Variants in STXBP5L observed in about 807,000 individuals in gnomAD.
The protein encoded by STXBP5L is syntaxin-binding protein 5-like.
Under a neutral mutation model 144.5 loss-of-function variants are expected in STXBP5L, and 65 were observed. That is an observed-to-expected ratio of 0.45 (90% CI 0.37 to 0.55). The LOEUF is 0.55. Among genes scored for constraint, STXBP5L ranks in the 20% least tolerant of loss-of-function variants. The pLI is 0.00. For missense variants in STXBP5L, 1,298 were observed against 1,405.5 expected (o/e 0.92, Z 1.22); for synonymous variants, 505 against 469.6 (o/e 1.08, Z -0.97).
At chr3:121,116,118 C>A (rs2044220653) in intron 6 of STXBP5L, among the ~76,000 whole-genome samples, 1 of 152,114 alleles carries the variant, frequency 6.6e-6, no homozygotes, top group Non-Finnish European at 1.5e-5. Context: ...GTAAGCAATT[C>A]TTCTAGTAAA....
intron 1 of STXBP5L, among the ~76,000 whole-genome samples, chr3:120,908,823 T>G (rs1489344125): frequency 3.8e-5 from 2 of 52,008 alleles, no homozygotes; most frequent in African/African-American, 1.6e-4. Flanking sequence ...GAGCAGGAGA[T>G]GGGGAGAGGG....
At chr3:121,045,301 A>G (rs891639751) in intron 4 of STXBP5L, 134 bp from the exon 5 acceptor site, 103 of 764,916 alleles carry the variant, frequency 1.3e-4, no homozygotes, top group Non-Finnish European at 1.7e-4. Context: ...TTATGCACCT[A>G]TCCTTCCTTA....
intron 9 of STXBP5L, among the ~76,000 whole-genome samples, chr3:121,190,474 C>T (rs933343711): frequency 2.6e-5 from 4 of 152,222 alleles, no homozygotes; most frequent in African/African-American, 7.2e-5. Context: ...GACACAGTAA[C>T]AATCCGATCT....
chr3:121,277,707 C>T (rs555619430), intron 18 of STXBP5L, among the ~76,000 whole-genome samples: 80 of 151,406 alleles, frequency 5.3e-4, no homozygotes, highest in Middle Eastern at 3.4e-3. Flanking sequence ...GTGAATTTTA[C>T]GTTTTTGGTG....
intron 14 of STXBP5L, among the ~76,000 whole-genome samples, chr3:121,244,709 G>A (rs1305276699): frequency 6.6e-6 from 1 of 151,948 alleles, no homozygotes; most frequent in African/African-American, 2.4e-5. Context: ...CACATGCAAG[G>A]AAATCCCCAT....
At chr3:121,169,787 T>C (rs909513927) in intron 9 of STXBP5L, among the ~76,000 whole-genome samples, 1 of 152,126 alleles carries the variant, frequency 6.6e-6, no homozygotes, top group African/African-American at 2.4e-5. Context: ...GACAGATCCA[T>C]GAGACAGAAA....
intron 3 of STXBP5L, among the ~76,000 whole-genome samples, chr3:120,990,876 C>T (rs537992454): frequency 5.9e-5 from 9 of 152,138 alleles, no homozygotes; most frequent in African/African-American, 2.2e-4. Context: ...CCATAAAAAC[C>T]CTAGAAGAAA....
chr3:121,032,047 G>C (rs902951794), intron 3 of STXBP5L, among the ~76,000 whole-genome samples: 1 of 152,034 alleles, frequency 6.6e-6, no homozygotes, highest in African/African-American at 2.4e-5. Context: ...TGAGTATTTA[G>C]ATACATTTTC....
At chr3:121,180,441 G>C (rs1378882535) in intron 9 of STXBP5L, among the ~76,000 whole-genome samples, 4 of 152,106 alleles carry the variant, frequency 2.6e-5, no homozygotes, top group South Asian at 2.1e-4. Context: ...AAGGAGTTTT[G>C]AATCTTGAAA....
intron 3 of STXBP5L, among the ~76,000 whole-genome samples, chr3:121,003,637 A>T (rs1376622639): frequency 1.3e-5 from 2 of 152,130 alleles, no homozygotes; most frequent in African/African-American, 2.4e-5. Context: ...CATGCCTATG[A>T]ACTGAATGGT....
chr3:121,095,881 G>A lies in STXBP5L; in HGVS notation c.471-19044G>A, dbSNP rs184468406. On this transcript the variant is annotated intron_variant, in intron 5 of 26. Coordinates refer to ENST00000471454, the MANE Select transcript of STXBP5L (RefSeq NM_001308330.2). The stretch of plus-strand genomic sequence containing the variant: ...GGCACTGTGATTTTTAGAATATTTA[G>A]CTTTTCCCCTCTGTTTTTTCCCCAT... 1.1e-3 allele frequency among the ~76,000 whole-genome samples: 163 copies of A among 152,182 alleles called. 1 individual carries two copies. The highest frequency in any genetic ancestry group is 1.9e-3 in the Non-Finnish European group (132 of 68,004).
chr3:120,969,399 T>G (rs1185026631), intron 3 of STXBP5L, among the ~76,000 whole-genome samples: 121 of 136,876 alleles, frequency 8.8e-4, no homozygotes, highest in African/African-American at 2.7e-3. Context: ...TATTTGTGTT[T>G]TTTTTTTTTT....
intron 20 of STXBP5L, among the ~76,000 whole-genome samples, chr3:121,328,159 C>T (rs1041245856): frequency 6.6e-6 from 1 of 152,082 alleles, no homozygotes; most frequent in East Asian, 1.9e-4. Context: ...ACATGTTGCC[C>T]AGATAAATTA....
intron 8 of STXBP5L, among the ~76,000 whole-genome samples, chr3:121,153,275 A>G (rs1044726593): frequency 9.9e-5 from 15 of 152,062 alleles, no homozygotes; most frequent in Non-Finnish European, 2.9e-5. Flanking sequence ...AGAAGAGGCT[A>G]ATAAGAAGAC....
At chr3:121,310,981 T>A (rs1472096028) in intron 19 of STXBP5L, among the ~76,000 whole-genome samples, 1 of 152,044 alleles carries the variant, frequency 6.6e-6, no homozygotes, top group Non-Finnish European at 1.5e-5. Context: ...ACAATGCCTA[T>A]TTTTGACTAA....
In STXBP5L at chr3:121,223,172, T is replaced by G. The variant is rs534830358; in HGVS notation, c.1111+15T>G. The G allele has an allele frequency of 6.4e-6, 10 of 1,573,226 alleles. No homozygotes were observed. In the African/African-American group the frequency reaches 1.2e-4, roughly 20 times the overall value. ...CTATCCAAATGGTAAGTAACTAAAA[T>G]GAAACTATTAATGTTGAAAATCATT... On this transcript the variant is annotated intron_variant, in intron 11 of 26. Coordinates refer to ENST00000471454, the MANE Select transcript of STXBP5L (RefSeq NM_001308330.2).
At chr3:121,375,030 G>A (rs998551859) in intron 20 of STXBP5L, among the ~76,000 whole-genome samples, 1 of 131,562 alleles carries the variant, frequency 7.6e-6, no homozygotes, top group African/African-American at 2.8e-5. Context: ...GGGTGGGAGG[G>A]TGGGAGGGGG....
chr3:121,192,247 A>T (rs192825556), intron 9 of STXBP5L, among the ~76,000 whole-genome samples: 21 of 152,314 alleles, frequency 1.4e-4, no homozygotes, highest in Non-Finnish European at 7.3e-5. Flanking sequence ...TAAAACACCT[A>T]GGCATACAAC....
chr3:121,416,905 T>C (rs2047252814), intron 25 of STXBP5L, among the ~76,000 whole-genome samples: 1 of 152,216 alleles, frequency 6.6e-6, no homozygotes. Flanking sequence ...TTTGGTCCTA[T>C]AGATCAAAAT....
Sources: allele counts gnomAD v4.1 joint callset (sites outside exome capture counted in the v4.1 genomes callset), GRCh38; gene constraint gnomAD v4.1.1; transcripts MANE v1.5; gene names NCBI Gene and HGNC (gene_info 2026-07-23, HGNC 2026-07-21).